The following CHL1 variants were observed in gnomAD, a reference collection of about 807,000 sequenced individuals.
CHL1 encodes cell adhesion molecule L1 like.
CHL1 carries 96 observed loss-of-function variants against 141.9 expected under a neutral mutation model. That is an observed-to-expected ratio of 0.68 (90% CI 0.57 to 0.80). The LOEUF is 0.80. CHL1 is among the 30% of genes least tolerant of loss of function. CHL1 has a pLI of 0.00. For missense variants in CHL1, 1,820 were observed against 1,457.2 expected (o/e 1.25, Z -4.05); for synonymous variants, 613 against 502.2 (o/e 1.22, Z -2.95).
At chr3:198,617 AT>A (rs1284105008) in intron 1 of CHL1, among the ~76,000 whole-genome samples, 5 of 152,210 alleles carry the variant, frequency 3.3e-5, no homozygotes, top group Admixed American at 3.3e-4. Flanking sequence ...GATACAAGTA[AT>A]TTAACACCAT....
intron 2 of CHL1, among the ~76,000 whole-genome samples, chr3:289,887 C>T (rs949702695): frequency 6.9e-6 from 1 of 145,260 alleles, no homozygotes; most frequent in African/African-American, 2.5e-5. Context: ...AAAAAATGAT[C>T]ATTTTTGTTA....
At chr3:237,075 G>T (rs942374574) in intron 1 of CHL1, among the ~76,000 whole-genome samples, 19 of 152,148 alleles carry the variant, frequency 1.2e-4, no homozygotes, top group Non-Finnish European at 2.2e-4. Context: ...CTATTACGCT[G>T]TTGGCTTCTA....
chr3:276,729 A>G (rs1415735852), intron 2 of CHL1, among the ~76,000 whole-genome samples: 1 of 151,842 alleles, frequency 6.6e-6, no homozygotes, highest in Non-Finnish European at 1.5e-5. Context: ...CTCTACTAAA[A>G]ATACAAAAAA....
rs893315033 is a variant in CHL1 at position 296,099 on chromosome 3, T to G, written c.-94-23584T>G. On this transcript the variant is annotated intron_variant, in intron 2 of 27. Coordinates refer to ENST00000256509, the MANE Select transcript of CHL1 (RefSeq NM_006614.4). Reference sequence around the variant, plus strand: ...GACCCCTTCTTAGTGAATGCAATGTTTAGCACATTCTTTGGAATATACTGC... The same window carrying G: ...GACCCCTTCTTAGTGAATGCAATGTGTAGCACATTCTTTGGAATATACTGC... Among the ~76,000 whole-genome samples, 5 of 152,316 alleles carry G rather than the reference T, an allele frequency of 3.3e-5. No homozygotes were observed. The East Asian group carries it at 9.7e-4, about 29-fold the overall frequency.
intron 18 of CHL1, among the ~76,000 whole-genome samples, chr3:383,180 C>T (rs1409255790): frequency 6.6e-6 from 1 of 152,100 alleles, no homozygotes; most frequent in Non-Finnish European, 1.5e-5. Flanking sequence ...TACTCTAGGA[C>T]ATAATTTCCT....
chr3:258,889 G>T (rs1271384747), intron 2 of CHL1, among the ~76,000 whole-genome samples: 2 of 148,202 alleles, frequency 1.3e-5, no homozygotes, highest in African/African-American at 5.0e-5. Flanking sequence ...TATAAAGAAG[G>T]TACTACAATT....
intron 19 of CHL1, among the ~76,000 whole-genome samples, chr3:388,674 G>C (rs531391009): frequency 6.7e-6 from 1 of 150,052 alleles, no homozygotes; most frequent in East Asian, 2.0e-4. Flanking sequence ...CAAGGAGCTG[G>C]GAAATTATAA....
chr3:317,736 T>A (rs372802028), intron 2 of CHL1, among the ~76,000 whole-genome samples: 1 of 151,712 alleles, frequency 6.6e-6, no homozygotes, highest in East Asian at 1.9e-4. Context: ...TAATAATAGC[T>A]ACATGGTTTA....
chr3:397,030 T>C (rs2106409001), intron 24 of CHL1, among the ~76,000 whole-genome samples: 1 of 152,294 alleles, frequency 6.6e-6, no homozygotes, highest in East Asian at 1.9e-4. Context: ...GATTGACAAG[T>C]ATTTTTCTCT....
rs150530197 is a variant in CHL1, at chr3:294,204, G to T, written c.-94-25479G>T. ...TGTGGTGGCAGGCACCTGCAGTCTCGGCTACTCAGGAGGGTGAGGTTGGAG... is the reference window on the plus strand; with the variant it reads ...TGTGGTGGCAGGCACCTGCAGTCTCTGCTACTCAGGAGGGTGAGGTTGGAG... On this transcript the variant is annotated intron_variant, in intron 2 of 27. Transcript: ENST00000256509. Among the ~76,000 whole-genome samples the T allele has an allele frequency of 6.7e-3, 1,013 of 151,982 alleles. 11 individuals are homozygous for T. Among genetic ancestry groups the T allele is most frequent in the African/African-American group, 0.023 (953 of 41,476 alleles).
intron 2 of CHL1, among the ~76,000 whole-genome samples, chr3:282,101 A>G (rs750416967): frequency 7.2e-5 from 11 of 152,058 alleles, no homozygotes; most frequent in Non-Finnish European, 2.9e-5. Flanking sequence ...TTAAATAAAT[A>G]TTGTCTGGCA....
rs919388985 is a variant in CHL1, at chr3:407,071, C to G, written c.*1360C>G. ...AATTTATTTTCTGGCAGTTGTGCTC[C>G]AGTCCTTTTAAAATTGTACATGAAC... On this transcript the variant is annotated 3_prime_UTR_variant, in exon 28 of 28. Coordinates refer to ENST00000256509, the MANE Select transcript of CHL1 (RefSeq NM_006614.4). The G allele has an allele frequency of 1.3e-5, 2 of 152,048 alleles. No homozygotes were observed. The highest frequency in any genetic ancestry group is 6.6e-5 in the Admixed American group (1 of 15,236). The allele number at this position is 152,048 out of a possible 1,614,324, so 9.4% of individuals were successfully genotyped here.
At position 344,611 on chromosome 3, in the gene CHL1, A is replaced by T. The variant is rs1702607471; in HGVS notation, c.750A>T (p.Lys250Asn). Residue 250 changes from lysine (K) to asparagine (N), a missense_variant, in exon 9 of 28, where the codon AAA (lysine) becomes AAT (asparagine). Physicochemically the swap from Lys to Asn is moderately conservative, Grantham distance 94 (BLOSUM62 0). Coordinates refer to ENST00000256509, the MANE Select transcript of CHL1 (RefSeq NM_006614.4). Reference sequence around the variant, plus strand: ...TAGCAAATTCCATCAAGCAAAGAAAACCCAAACTGCTGTTGCCTCCCACTG... The same window carrying T: ...TAGCAAATTCCATCAAGCAAAGAAATCCCAAACTGCTGTTGCCTCCCACTG... ...GSKANSIKQR[K>N]PKLLLPPTES... is the part of the protein sequence containing the mutation. 6.2e-7 allele frequency: 1 copy of T among 1,611,282 alleles called. No homozygotes were observed. The highest frequency in any genetic ancestry group is 1.1e-5 in the South Asian group (1 of 90,468).
chr3:370,339 C>A (rs1705466889), intron 15 of CHL1, among the ~76,000 whole-genome samples: 1 of 152,158 alleles, frequency 6.6e-6, no homozygotes, highest in South Asian at 2.1e-4. Flanking sequence ...GTGTATGTGT[C>A]CAAGAATATG....
intron 1 of CHL1, among the ~76,000 whole-genome samples, chr3:243,058 A>C (rs1238858390): frequency 1.3e-5 from 2 of 152,182 alleles, no homozygotes; most frequent in Non-Finnish European, 2.9e-5. Context: ...GAACAATAAA[A>C]GTGGTACCAT....
At chr3:387,669 A>G (rs1266172102) in intron 19 of CHL1, among the ~76,000 whole-genome samples, 1 of 152,246 alleles carries the variant, frequency 6.6e-6, no homozygotes, top group East Asian at 1.9e-4. Context: ...CTATCATTCC[A>G]GATTGCAGTA....
At chr3:258,849 T>G (rs1341518545) in intron 2 of CHL1, among the ~76,000 whole-genome samples, 1 of 151,734 alleles carries the variant, frequency 6.6e-6, no homozygotes, top group African/African-American at 2.4e-5. Flanking sequence ...TTTCATCACA[T>G]TGTTATTAAC....
chr3:231,575 CTTTT>C (rs5845954), intron 1 of CHL1, among the ~76,000 whole-genome samples: 28 of 100,550 alleles, frequency 2.8e-4, no homozygotes, highest in African/African-American at 7.7e-4. Flanking sequence ...TTATTTCTTC[CTTTT>C]TTTTTTTTTT....
chr3:333,617 G>A (rs902420910), intron 5 of CHL1, among the ~76,000 whole-genome samples: 2 of 152,156 alleles, frequency 1.3e-5, no homozygotes, highest in Admixed American at 6.5e-5. Flanking sequence ...TTTTGTCAGT[G>A]AGTTATTCAA....
Sources: gnomAD v4.1 joint callset for allele counts (sites outside exome capture counted in the v4.1 genomes callset) on GRCh38, gnomAD v4.1.1 for gene constraint, MANE v1.5 for transcripts, NCBI Gene and HGNC (gene_info 2026-07-23, HGNC 2026-07-21) for gene names.